Variants in MACROD2 observed in about 807,000 individuals in gnomAD.
The protein encoded by MACROD2 is ADP-ribose glycohydrolase MACROD2.
A neutral mutation model predicts 70.4 loss-of-function variants in MACROD2; 36 were observed. The observed-to-expected ratio is 0.51, with a 90% confidence interval of 0.39 to 0.68. The LOEUF (loss-of-function observed/expected upper bound fraction) is 0.68. Ranked by LOEUF, MACROD2 falls within the 30% of genes least tolerant of loss-of-function variation. The pLI is 0.00. For synonymous variants in MACROD2, 172 were observed against 178.8 expected, an observed-to-expected ratio of 0.96 and a Z score of 0.30; for missense variants, 496 against 538.4, an observed-to-expected ratio of 0.92 and a Z score of 0.78.
chr20:15,646,262 G>A (rs994433145), intron 8 of MACROD2, among the ~76,000 whole-genome samples: 1 of 152,082 alleles, frequency 6.6e-6, no homozygotes, highest in South Asian at 2.1e-4. Flanking sequence ...ACTCACACTG[G>A]TTTTACAATA....
At chr20:15,918,589 A>T (rs1326133982) in intron 10 of MACROD2, among the ~76,000 whole-genome samples, 1 of 152,220 alleles carries the variant, frequency 6.6e-6, no homozygotes, top group Non-Finnish European at 1.5e-5. Flanking sequence ...GTTCCATAAA[A>T]CAGGGAAATT....
At chr20:14,193,853 A>G (rs939535972) in intron 3 of MACROD2, among the ~76,000 whole-genome samples, 1 of 152,324 alleles carries the variant, frequency 6.6e-6, no homozygotes, top group East Asian at 1.9e-4. Context: ...TATGGATCTT[A>G]GTTGAGGCCA....
At chr20:14,013,874 G>T (rs984384136) in intron 2 of MACROD2, among the ~76,000 whole-genome samples, 1 of 151,632 alleles carries the variant, frequency 6.6e-6, no homozygotes, top group Non-Finnish European at 1.5e-5. Flanking sequence ...GTAGAGATGG[G>T]TTTCACGATG....
At chr20:14,588,432 C>T (rs1600421341) in intron 4 of MACROD2, among the ~76,000 whole-genome samples, 2 of 152,134 alleles carry the variant, frequency 1.3e-5, no homozygotes, top group Non-Finnish European at 2.9e-5. Context: ...TTTTAAAGGA[C>T]AGCTTTACTT....
In MACROD2 at chr20:14,225,358, A is replaced by G. The variant is rs144528955; in HGVS notation, c.271+139630A>G. On this transcript the variant is annotated intron_variant, in intron 3 of 17. Coordinates refer to ENST00000684519, the MANE Select transcript of MACROD2 (RefSeq NM_001351661.2). Reference sequence around the variant, plus strand: ...TAAAAACATATATGAGAAATATTGGAACAATAAAATCTGATTCATCTAATA... The same window carrying G: ...TAAAAACATATATGAGAAATATTGGGACAATAAAATCTGATTCATCTAATA... Among the ~76,000 whole-genome samples, 1,306 of 152,380 alleles carry G rather than the reference A, an allele frequency of 8.6e-3. 6 individuals are homozygous for G. Among genetic ancestry groups the G allele is most frequent in the South Asian group, 0.015 (72 of 4,830 alleles).
At chr20:14,293,968 G>C (rs543768430) in intron 3 of MACROD2, among the ~76,000 whole-genome samples, 2 of 151,898 alleles carry the variant, frequency 1.3e-5, no homozygotes, top group Non-Finnish European at 2.9e-5. Flanking sequence ...TATTAGGTTT[G>C]AGTTTTAAAG....
At position 15,499,851 on chromosome 20, in the gene MACROD2, G is replaced by A. The variant is rs2146491442; in HGVS notation, c.645+4G>A. 6.2e-7 allele frequency: 1 copy of A among 1,612,724 alleles called. No homozygotes were observed. The highest frequency in any genetic ancestry group is 1.3e-5 in the African/African-American group (1 of 74,954). ...GCTTGCCAAGAATCACCATGAGGTA[G>A]GAGGAACGACATAATCAGTGAACAT... On this transcript the variant is annotated splice_donor_region_variant and intron_variant, in intron 8 of 17. Transcript: ENST00000684519.
intron 7 of MACROD2, among the ~76,000 whole-genome samples, chr20:15,441,584 G>A (rs1335048529): frequency 2.0e-5 from 3 of 151,858 alleles, no homozygotes; most frequent in Non-Finnish European, 2.9e-5. Context: ...ACTTGTATGT[G>A]GGCCCTCTAA....
intron 3 of MACROD2, among the ~76,000 whole-genome samples, chr20:14,491,786 G>A (rs1287437296): frequency 6.6e-6 from 1 of 152,138 alleles, no homozygotes; most frequent in Non-Finnish European, 1.5e-5. Context: ...ATTGTTGTTG[G>A]TTGTTAAAAA....
At chr20:14,903,467 G>A (rs2073922291) in intron 5 of MACROD2, among the ~76,000 whole-genome samples, 1 of 152,064 alleles carries the variant, frequency 6.6e-6, no homozygotes, top group African/African-American at 2.4e-5. Context: ...CCTAATGAGA[G>A]TAGACTGATG....
intron 4 of MACROD2, among the ~76,000 whole-genome samples, chr20:14,670,533 G>C (rs1475993562): frequency 6.6e-6 from 1 of 152,114 alleles, no homozygotes; most frequent in African/African-American, 2.4e-5. Flanking sequence ...GAATTTCCCA[G>C]TAATTTAACA....
intron 3 of MACROD2, among the ~76,000 whole-genome samples, chr20:14,231,304 A>G (rs2081810204): frequency 6.6e-6 from 1 of 151,832 alleles, no homozygotes; most frequent in African/African-American, 2.4e-5. Flanking sequence ...CCACCCCAAA[A>G]CAGGCCCCAG....
At chr20:15,539,907 G>A (rs1370836722) in intron 8 of MACROD2, among the ~76,000 whole-genome samples, 1 of 152,354 alleles carries the variant, frequency 6.6e-6, no homozygotes, top group East Asian at 1.9e-4. Flanking sequence ...AGAATGGCGT[G>A]AACCCGGGAG....
chr20:14,358,941 C>A (rs906818515), intron 3 of MACROD2, among the ~76,000 whole-genome samples: 1 of 152,112 alleles, frequency 6.6e-6, no homozygotes, highest in Non-Finnish European at 1.5e-5. Context: ...AATCTCAGCA[C>A]TTTAAGAAGC....
chr20:14,441,743 T>C (rs1226653107), intron 3 of MACROD2, among the ~76,000 whole-genome samples: 1 of 152,210 alleles, frequency 6.6e-6, no homozygotes, highest in Non-Finnish European at 1.5e-5. Context: ...ACCTTTCTAG[T>C]TACTATGTGC....
intron 3 of MACROD2, among the ~76,000 whole-genome samples, chr20:14,429,839 G>A (rs1294803952): frequency 6.6e-6 from 1 of 152,154 alleles, no homozygotes; most frequent in Non-Finnish European, 1.5e-5. Flanking sequence ...CCTCCTTCAG[G>A]AGAACCATTT....
chr20:15,480,849 C>T (rs2047087649), intron 7 of MACROD2, among the ~76,000 whole-genome samples: 1 of 152,150 alleles, frequency 6.6e-6, no homozygotes, highest in Non-Finnish European at 1.5e-5. Flanking sequence ...GAAGCCTGTA[C>T]TTCCCAGCTC....
intron 3 of MACROD2, among the ~76,000 whole-genome samples, chr20:14,439,481 T>A (rs1430624181): frequency 6.6e-6 from 1 of 152,162 alleles, no homozygotes; most frequent in Non-Finnish European, 1.5e-5. Flanking sequence ...AGTATTATTT[T>A]AAAATATCTA....
chr20:14,492,904 G>GGGCCGGA (rs2084810578), intron 3 of MACROD2, among the ~76,000 whole-genome samples: 1 of 152,064 alleles, frequency 6.6e-6, no homozygotes, highest in Non-Finnish European at 1.5e-5. Flanking sequence ...ATAAATGTGT[G>GGGCCGGA]TGCGGGGTTA....
Sources: allele counts gnomAD v4.1 joint callset (sites outside exome capture counted in the v4.1 genomes callset), GRCh38; gene constraint gnomAD v4.1.1; transcripts MANE v1.5; gene names NCBI Gene and HGNC (gene_info 2026-07-23, HGNC 2026-07-21).